Variants in USP48 observed in about 807,000 individuals in gnomAD.
USP48 encodes ubiquitin specific peptidase 48.
USP48 carries 43 observed loss-of-function variants against 150.7 expected under a neutral mutation model. The observed-to-expected ratio is 0.29, with a 90% CI of 0.22 to 0.37. The LOEUF (loss-of-function observed/expected upper bound fraction) is 0.37, where lower values mean the gene tolerates loss of function less well. Among genes scored for constraint, USP48 ranks in the 10% least tolerant of loss-of-function variants. The pLI, the probability that USP48 is intolerant of heterozygous loss-of-function variation, is 1.00. For missense variants in USP48, 813 were observed against 1,249.6 expected, an observed-to-expected ratio of 0.65 and a Z score of 5.27; for synonymous variants, 396 against 425.9, an observed-to-expected ratio of 0.93 and a Z score of 0.86.
chr1:21,773,998 T>G (rs1203289527), intron 1 of USP48, among the ~76,000 whole-genome samples: 2 of 151,988 alleles, frequency 1.3e-5, no homozygotes, highest in Non-Finnish European at 2.9e-5. Flanking sequence ...TGTAACTGGC[T>G]GGGTGTGGTG....
chr1:21,767,125 G>T (rs1007741304), intron 1 of USP48, among the ~76,000 whole-genome samples: 1 of 152,126 alleles, frequency 6.6e-6, no homozygotes, highest in Non-Finnish European at 1.5e-5. Flanking sequence ...CACTCAGGGT[G>T]TATAATACTC....
chr1:21,705,874 T>C, intron 18 of USP48, 37 bp from the exon 19 acceptor site: 1 of 1,472,466 alleles, frequency 6.8e-7, no homozygotes, highest in Non-Finnish European at 9.3e-7. Context: ...ATATACCTAA[T>C]TACTGCATGA....
At chr1:21,686,381 T>C (rs911259646) in intron 25 of USP48, 3 of 152,146 alleles carry the variant, frequency 2.0e-5, no homozygotes, top group Admixed American at 2.0e-4. Context: ...TTTTTGAGAG[T>C]TTTTACCACG....
chr1:21,766,761 A>C (rs1426368623), intron 1 of USP48, among the ~76,000 whole-genome samples: 2 of 151,968 alleles, frequency 1.3e-5, no homozygotes, highest in African/African-American at 4.8e-5. Flanking sequence ...CCTCTACCTA[A>C]CGGGCTCAAG....
chr1:21,771,126 A>G (rs2097878891), intron 1 of USP48, among the ~76,000 whole-genome samples: 1 of 152,082 alleles, frequency 6.6e-6, no homozygotes, highest in Non-Finnish European at 1.5e-5. Context: ...ACTGTCTCAA[A>G]AAACAACTAA....
At chr1:21,684,725 G>C (rs1401627675) in intron 25 of USP48, among the ~76,000 whole-genome samples, 1 of 152,132 alleles carries the variant, frequency 6.6e-6, no homozygotes, top group East Asian at 1.9e-4. Flanking sequence ...TTAATATATA[G>C]TGAGAGACAG....
At chr1:21,698,843 C>T (rs376630214) in intron 22 of USP48, among the ~76,000 whole-genome samples, 2 of 151,712 alleles carry the variant, frequency 1.3e-5, no homozygotes, top group Non-Finnish European at 2.9e-5. Context: ...TGCAGTGAGC[C>T]GAGATGGCAC....
At position 21,706,825 on chromosome 1, in the gene USP48, T is replaced by G; in HGVS notation, c.2007A>C (p.Lys669Asn). ...ACTGCTGCAGTTTGCTCCAAGCCTC[T>G]TTAGAAACAAGCCTTCTTTCATTTT... Reference protein sequence around the residue: ...ISENERRLVSKEAWSKLQQYF... With the variant: ...ISENERRLVSNEAWSKLQQYF... The change falls in exon 16 of 27, where the codon AAA (lysine) becomes AAC (asparagine). Residue 669 changes from lysine (K) to asparagine (N), a missense_variant. Transcript: ENST00000308271. 6.2e-7 allele frequency: 1 copy of G among 1,613,862 alleles called. No homozygotes were observed. Among genetic ancestry groups the G allele is most frequent in the Non-Finnish European group, 8.5e-7 (1 of 1,179,950 alleles).
chr1:21,753,696 G>A lies in USP48; in HGVS notation c.413-577C>T, dbSNP rs12083128. Among the ~76,000 whole-genome samples the A allele has an allele frequency of 2.5e-3, 379 of 151,264 alleles. 2 individuals are homozygous for A. Among genetic ancestry groups the A allele is most frequent in the African/African-American group, 8.8e-3 (363 of 41,186 alleles). On this transcript the variant is annotated intron_variant, in intron 3 of 26. Coordinates refer to ENST00000308271, the MANE Select transcript of USP48 (RefSeq NM_032236.8). Reference sequence around the variant, plus strand: ...ACAAAAAGTAGCTGGGTGTGGTGGCGAGCACCTGTAATCCCTGCTACTTGG... The same window carrying A: ...ACAAAAAGTAGCTGGGTGTGGTGGCAAGCACCTGTAATCCCTGCTACTTGG...
chr1:21,753,147 GTTTT>G (rs757008814), intron 3 of USP48, 28 bp from the exon 4 acceptor site: 37 of 1,579,056 alleles, frequency 2.3e-5, no homozygotes, highest in Non-Finnish European at 2.9e-5. Context: ...TAGATTTGGG[GTTTT>G]TTAAGGTGCT....
At chr1:21,696,513 TAC>T (rs2097631905) in intron 22 of USP48, among the ~76,000 whole-genome samples, 1 of 152,186 alleles carries the variant, frequency 6.6e-6, no homozygotes, top group Non-Finnish European at 1.5e-5. Context: ...TCTAAAGTGA[TAC>T]AAACAACACA....
intron 23 of USP48, among the ~76,000 whole-genome samples, chr1:21,690,651 G>A (rs893622958): frequency 6.6e-6 from 1 of 152,032 alleles, no homozygotes; most frequent in Non-Finnish European, 1.5e-5. Context: ...AGGCTTCTGA[G>A]TGGCTGAGAC....
At chr1:21,741,674 C>T (rs1557543935) in intron 8 of USP48, among the ~76,000 whole-genome samples, 1 of 152,032 alleles carries the variant, frequency 6.6e-6, no homozygotes, top group Non-Finnish European at 1.5e-5. Flanking sequence ...AAAGGTAGAA[C>T]TAAAATACAT....
At chr1:21,704,525 TATC>T (rs1315845571) in intron 19 of USP48, 133 bp from the exon 20 acceptor site, 1 of 982,628 alleles carries the variant, frequency 1.0e-6, no homozygotes. Flanking sequence ...AAAAGATACG[TATC>T]ATCAACAAAG....
chr1:21,770,811 C>A (rs562808533), intron 1 of USP48, among the ~76,000 whole-genome samples: 1 of 151,628 alleles, frequency 6.6e-6, no homozygotes, highest in African/African-American at 2.4e-5. Context: ...GATTTGTGTG[C>A]TTTTCTGTAT....
chr1:21,752,742 C>A, intron 4 of USP48, 91 bp from the exon 5 acceptor site: 2 of 1,393,092 alleles, frequency 1.4e-6, no homozygotes, highest in East Asian at 2.4e-5. Flanking sequence ...CAGAAACTAC[C>A]TATACTTTCA....
intron 8 of USP48, among the ~76,000 whole-genome samples, chr1:21,743,754 G>T (rs940408973): frequency 6.6e-6 from 1 of 152,122 alleles, no homozygotes; most frequent in African/African-American, 2.4e-5. Context: ...TTGATCTGGG[G>T]AGTACACATA....
Position 21,782,991 on chromosome 1 carries a change from C to G in USP48, c.-34G>C, listed in dbSNP as rs749065560. ...CCCCAGGAACGCCTCCCGAGCCAGA[C>G]CGCCGCAGCCGCCGCCGCGGTCTGC... On this transcript the variant is annotated 5_prime_UTR_variant, in exon 1 of 27. Transcript: ENST00000308271. 1.3e-6 allele frequency: 2 copies of G among 1,486,608 alleles called. No homozygotes were observed. 92.1% of individuals were successfully genotyped at this position (1,486,608 alleles called of 1,614,324 possible).
chr1:21,728,607 C>T lies in USP48; in HGVS notation c.1413G>A (p.Glu471=), dbSNP rs376040421. The part of the protein sequence containing the change: ...SVDKGKAKHE[E]VKELYQRLPA... ...GTAACCTTTGGTACAGCTCCTTAAC[C>T]TCTTCGTGTTTTGCTTTTCCTTTAT... Residue 471 remains glutamate (E), a synonymous_variant, in exon 11 of 27, where the codon GAG becomes GAA. Transcript: ENST00000308271. 7 of 1,614,022 alleles carry T rather than the reference C, an allele frequency of 4.3e-6. No individual in the cohort carries two copies. In the East Asian group the frequency reaches 8.9e-5, roughly 21 times the overall value.
Sources: gnomAD v4.1 joint callset for allele counts (sites outside exome capture counted in the v4.1 genomes callset) on GRCh38, gnomAD v4.1.1 for gene constraint, MANE v1.5 for transcripts, NCBI Gene and HGNC (gene_info 2026-07-23, HGNC 2026-07-21) for gene names.